The following HAT1 variants were observed in gnomAD, a reference collection of about 807,000 sequenced individuals.
HAT1 encodes histone acetyltransferase type B catalytic subunit.
In HAT1, 20 loss-of-function variants were observed where a neutral mutation model predicts 56.6. The ratio of observed to expected loss-of-function variants is 0.35; its 90% CI spans 0.25 to 0.51. The LOEUF is 0.51. HAT1 is among the 20% of genes least tolerant of loss of function. HAT1 has a pLI of 0.95. For synonymous variants in HAT1, 146 were observed against 165.5 expected (o/e 0.88, Z 0.91); for missense variants, 408 against 504.3 (o/e 0.81, Z 1.83).
chr2:171,925,843 T>G (rs1686575156), intron 2 of HAT1, among the ~76,000 whole-genome samples: 1 of 151,596 alleles, frequency 6.6e-6, no homozygotes, highest in Non-Finnish European at 1.5e-5. Flanking sequence ...GGTGACAGAA[T>G]TTTATATAAA....
At chr2:171,928,622 C>T (rs1028138268) in intron 2 of HAT1, among the ~76,000 whole-genome samples, 8 of 152,154 alleles carry the variant, frequency 5.3e-5, no homozygotes, top group Non-Finnish European at 1.0e-4. Context: ...GATTCTCCTG[C>T]CTCAGCCTCT....
At chr2:171,977,109 G>A (rs1410236880) in intron 9 of HAT1, among the ~76,000 whole-genome samples, 2 of 151,782 alleles carry the variant, frequency 1.3e-5, no homozygotes, top group Admixed American at 1.3e-4. Flanking sequence ...GGAGGCGGAG[G>A]TTGCAGTGAG....
intron 4 of HAT1, among the ~76,000 whole-genome samples, chr2:171,963,926 CTG>C (rs1025637082): frequency 6.6e-6 from 1 of 152,074 alleles, no homozygotes; most frequent in African/African-American, 2.4e-5. Flanking sequence ...TAGAAATAAA[CTG>C]TTGGGCAAAA....
chr2:171,982,699 G>T (rs909950022), intron 10 of HAT1, among the ~76,000 whole-genome samples: 3 of 152,098 alleles, frequency 2.0e-5, no homozygotes, highest in Non-Finnish European at 2.9e-5. Flanking sequence ...TTTTCCATTT[G>T]TCTTTCTGAA....
At chr2:171,931,520 A>T (rs755505923) in intron 2 of HAT1, among the ~76,000 whole-genome samples, 7 of 152,108 alleles carry the variant, frequency 4.6e-5, no homozygotes, top group Non-Finnish European at 8.8e-5. Flanking sequence ...CTAAAAATAC[A>T]AAAATTAGCT....
intron 3 of HAT1, 150 bp downstream of exon 3, chr2:171,946,933 T>C (rs942556536): frequency 1.1e-5 from 6 of 546,286 alleles, no homozygotes; most frequent in East Asian, 3.2e-5. Flanking sequence ...TTTTTTTACA[T>C]TGAGACACCA....
At chr2:171,980,959 C>A (rs1641810541) in intron 10 of HAT1, 1 of 151,350 alleles carries the variant, frequency 6.6e-6, no homozygotes, top group African/African-American at 2.4e-5. Context: ...CATCTGAGGT[C>A]AGGAGTTCGA....
At chr2:171,974,448 TG>T (rs1482334588) in intron 8 of HAT1, among the ~76,000 whole-genome samples, 3 of 152,238 alleles carry the variant, frequency 2.0e-5, no homozygotes, top group Non-Finnish European at 4.4e-5. Flanking sequence ...GCACTCTTAC[TG>T]AACTTGTTTA....
chr2:171,980,694 A>G (rs780289247), intron 10 of HAT1: 2 of 151,770 alleles, frequency 1.3e-5, no homozygotes, highest in African/African-American at 2.4e-5. Flanking sequence ...CGCCTCTACT[A>G]AAAATACAAA....
intron 4 of HAT1, 91 bp from the exon 5 acceptor site, chr2:171,965,247 T>C: frequency 1.3e-6 from 1 of 748,260 alleles, no homozygotes; most frequent in South Asian, 2.1e-5. Context: ...AGTTTTGTAA[T>C]TTGTGTTGGT....
chr2:171,972,244 GTT>G (rs572188174), intron 8 of HAT1, among the ~76,000 whole-genome samples: 1 of 137,578 alleles, frequency 7.3e-6, no homozygotes, highest in African/African-American at 2.7e-5. Context: ...TGTTTTTGTT[GTT>G]TTTTTTTTTG....
At chr2:171,947,141 T>C (rs1335138612) in intron 3 of HAT1, among the ~76,000 whole-genome samples, 2 of 152,238 alleles carry the variant, frequency 1.3e-5, no homozygotes, top group Non-Finnish European at 2.9e-5. Context: ...TTTTTTCTGC[T>C]ACCATTTTGC....
Position 171,983,225 on chromosome 2 carries a change from G to C in HAT1, c.1133G>C (p.Arg378Thr). 6.2e-7 allele frequency: 1 copy of C among 1,602,404 alleles called. No individual in the cohort carries two copies. ...CTTGCTAAGATGAGAAAATGTCTCA[G>C]ACCAGAAGAACTGACAAACCAGATG... ...RDLAKMRKCL[R>T]PEELTNQMNQ... The change falls in exon 11 of 11, where the codon AGA (arginine) becomes ACA (threonine). Residue 378 changes from arginine (R) to threonine (T), a missense_variant. Transcript: ENST00000264108.
chr2:171,935,087 GA>G (rs1480115641), intron 2 of HAT1, among the ~76,000 whole-genome samples: 3 of 151,578 alleles, frequency 2.0e-5, no homozygotes, highest in African/African-American at 7.3e-5. Context: ...AGGCTGCTAT[GA>G]AAAAAATTAA....
chr2:171,944,756 C>G (rs1371463822), intron 2 of HAT1, among the ~76,000 whole-genome samples: 1 of 152,196 alleles, frequency 6.6e-6, no homozygotes, highest in Non-Finnish European at 1.5e-5. Flanking sequence ...TACCAGATCT[C>G]TACAGTGAAA....
At chr2:171,976,694 T>C (rs1039234053) in intron 9 of HAT1, among the ~76,000 whole-genome samples, 6 of 152,220 alleles carry the variant, frequency 3.9e-5, no homozygotes, top group African/African-American at 1.4e-4. Flanking sequence ...TCATTTTATA[T>C]ACTTTTATAT....
intron 2 of HAT1, among the ~76,000 whole-genome samples, chr2:171,940,488 C>T (rs1686993693): frequency 6.6e-6 from 1 of 152,210 alleles, no homozygotes; most frequent in Admixed American, 6.5e-5. Flanking sequence ...GACAAATGTC[C>T]TTAGCAGCAG....
intron 9 of HAT1, among the ~76,000 whole-genome samples, chr2:171,977,557 A>ATATATATATATAATTT (rs1271452199): frequency 6.1e-5 from 1 of 16,358 alleles, no homozygotes; most frequent in African/African-American, 2.2e-4. Context: ...ATATATATAT[A>ATATATATATATAATTT]TTTTTTTTTT....
chr2:171,925,116 A>G (rs542271593), intron 1 of HAT1, among the ~76,000 whole-genome samples: 8 of 126,128 alleles, frequency 6.3e-5, no homozygotes, highest in Non-Finnish European at 1.3e-4. Context: ...TCTGTCGCCC[A>G]GGCTAGAGGG....
Sources: allele counts gnomAD v4.1 joint callset (sites outside exome capture counted in the v4.1 genomes callset), GRCh38; gene constraint gnomAD v4.1.1; transcripts MANE v1.5; gene names NCBI Gene and HGNC (gene_info 2026-07-23, HGNC 2026-07-21).